Variants in RASGRP3 observed in about 807,000 individuals in gnomAD.
The protein encoded by RASGRP3 is ras guanyl-releasing protein 3.
In RASGRP3, 54 loss-of-function variants were observed where a neutral mutation model predicts 82.7. The observed-to-expected ratio is 0.65, with a 90% confidence interval of 0.52 to 0.82. RASGRP3 has a LOEUF of 0.82. RASGRP3 is among the 40% of genes least tolerant of loss of function. RASGRP3 has a pLI of 0.00. For missense variants in RASGRP3, 861 were observed against 828.9 expected, an observed-to-expected ratio of 1.04 and a Z score of -0.48; for synonymous variants, 309 against 300.5, an observed-to-expected ratio of 1.03 and a Z score of -0.29.
intron 1 of RASGRP3, among the ~76,000 whole-genome samples, chr2:33,507,613 C>T (rs535728866): frequency 1.7e-4 from 26 of 152,330 alleles, no homozygotes; most frequent in South Asian, 1.0e-3. Context: ...GCAACCTCCA[C>T]CTCCCAGGTT....
intron 3 of RASGRP3, 111 bp from the exon 4 acceptor site, chr2:33,516,431 T>C (rs909735872): frequency 4.5e-6 from 3 of 666,990 alleles, no homozygotes; most frequent in African/African-American, 3.7e-5. Context: ...TAAAAGATCA[T>C]TTGTCTATGA....
chr2:33,561,769 C>T (rs1258203023), intron 17 of RASGRP3, among the ~76,000 whole-genome samples: 4 of 152,100 alleles, frequency 2.6e-5, no homozygotes, highest in African/African-American at 9.7e-5. Flanking sequence ...TGTATTTCCT[C>T]CAACGGAGTT....
intron 10 of RASGRP3, among the ~76,000 whole-genome samples, chr2:33,528,223 C>T (rs1286611566): frequency 6.6e-6 from 1 of 152,208 alleles, no homozygotes; most frequent in African/African-American, 2.4e-5. Flanking sequence ...ATATCATATG[C>T]CTAGCACCTC....
At chr2:33,457,289 A>T in intron 2 of RASGRP3, among the ~76,000 whole-genome samples, 1 of 152,196 alleles carries the variant, frequency 6.6e-6, no homozygotes, top group Admixed American at 6.5e-5. Context: ...AATTAGTCAT[A>T]TTTTTTTAAA....
intron 1 of RASGRP3, among the ~76,000 whole-genome samples, chr2:33,447,130 G>A (rs1665545098): frequency 1.3e-5 from 2 of 151,316 alleles, no homozygotes; most frequent in South Asian, 4.2e-4. Flanking sequence ...AAAAAGAGGG[G>A]GAAGCAGTGA....
At chr2:33,463,454 A>T (rs899219269) in intron 2 of RASGRP3, among the ~76,000 whole-genome samples, 15 of 152,206 alleles carry the variant, frequency 9.9e-5, no homozygotes, top group African/African-American at 3.6e-4. Context: ...TGAAAGGGGA[A>T]GATGATTGTT....
chr2:33,456,546 A>C (rs1404759849), intron 2 of RASGRP3, among the ~76,000 whole-genome samples: 1 of 152,222 alleles, frequency 6.6e-6, no homozygotes, highest in Non-Finnish European at 1.5e-5. Flanking sequence ...TAGGAACTTT[A>C]AATTCTGATC....
chr2:33,535,998 C>G (rs1673565402), intron 11 of RASGRP3, among the ~76,000 whole-genome samples: 1 of 152,096 alleles, frequency 6.6e-6, no homozygotes. Context: ...ATCTTATTAA[C>G]TCCGTTAAGA....
intron 12 of RASGRP3, 53 bp from the exon 13 acceptor site, chr2:33,543,459 A>G: frequency 8.7e-7 from 1 of 1,155,726 alleles, no homozygotes; most frequent in Non-Finnish European, 1.2e-6. Context: ...TGCAATAACA[A>G]GTTCAGAGCC....
intron 7 of RASGRP3, 142 bp downstream of exon 7, chr2:33,522,244 T>G: frequency 2.2e-6 from 2 of 898,918 alleles, no homozygotes; most frequent in Non-Finnish European, 3.4e-6. Context: ...ACAGGAACAA[T>G]CCCTTTTAAC....
In RASGRP3 at chr2:33,564,241, A is replaced by G. The variant is rs1677006107; in HGVS notation, c.*1504A>G. 1 of 152,214 alleles carries G rather than the reference A, an allele frequency of 6.6e-6. No individual in the cohort carries two copies. The highest frequency in any genetic ancestry group is 6.5e-5 in the Admixed American group (1 of 15,278). 9.4% of individuals were successfully genotyped at this position (152,214 alleles called of 1,614,324 possible). ...CAGCCCATGGGCATTAAGGCAAAGT[A>G]GTTCCAGTGATTTAAAATACGGTTC... On this transcript the variant is annotated 3_prime_UTR_variant, in exon 18 of 18. Transcript: ENST00000403687.
chr2:33,528,848 A>G (rs1480131478), intron 10 of RASGRP3, among the ~76,000 whole-genome samples: 6 of 152,330 alleles, frequency 3.9e-5, no homozygotes, highest in Non-Finnish European at 8.8e-5. Context: ...TACTGGGGGC[A>G]GGGAACGCAA....
chr2:33,463,725 A>G (rs377657515), intron 2 of RASGRP3, among the ~76,000 whole-genome samples: 1 of 151,336 alleles, frequency 6.6e-6, no homozygotes, highest in Non-Finnish European at 1.5e-5. Flanking sequence ...CAGCCTCCCA[A>G]GTAAGCTGGG....
intron 17 of RASGRP3, among the ~76,000 whole-genome samples, chr2:33,560,506 C>T (rs1177719091): frequency 6.6e-6 from 1 of 152,166 alleles, no homozygotes. Flanking sequence ...TATACATGGA[C>T]ATATGGTCAC....
At chr2:33,544,093 C>T (rs565205249) in intron 13 of RASGRP3, among the ~76,000 whole-genome samples, 1 of 152,206 alleles carries the variant, frequency 6.6e-6, no homozygotes, top group South Asian at 2.1e-4. Flanking sequence ...GCAGGCAGAT[C>T]ACTTGAGGCC....
At chr2:33,473,529 G>A (rs1161182934), upstream of RASGRP3, among the ~76,000 whole-genome samples, 1 of 152,238 alleles carries the variant, frequency 6.6e-6, no homozygotes, top group African/African-American at 2.4e-5. Flanking sequence ...GAGACACAGG[G>A]TGAGACACAA....
At chr2:33,525,561 C>A (rs1672462215) in intron 9 of RASGRP3, among the ~76,000 whole-genome samples, 1 of 151,802 alleles carries the variant, frequency 6.6e-6, no homozygotes. Flanking sequence ...AGCAATTAAA[C>A]AATAAGCAAA....
rs1255350385 is a variant in RASGRP3, at chr2:33,481,618, C to G, written c.-261+4911C>G. On this transcript the variant is annotated intron_variant, in intron 1 of 17. Transcript: ENST00000403687. Reference sequence around the variant, plus strand: ...TGGATAACCGATTTGCGACATGCCACTCATGATATTTCCAAAGCCTATGGA... The same window carrying G: ...TGGATAACCGATTTGCGACATGCCAGTCATGATATTTCCAAAGCCTATGGA... 2.0e-5 allele frequency: 3 copies of G among 152,228 alleles called. No homozygotes were observed. In the South Asian group the frequency reaches 6.2e-4, roughly 32 times the overall value. 9.4% of individuals were successfully genotyped at this position (152,228 alleles called of 1,614,324 possible).
Position 33,563,862 on chromosome 2 carries a change from A to ATAAC in RASGRP3, c.*1128_*1131dup, listed in dbSNP as rs1474329120. 3.9e-5 allele frequency: 6 copies of ATAAC among 152,320 alleles called. No individual in the cohort carries two copies. The South Asian group carries it at 1.2e-3, about 32-fold the overall frequency. The allele number at this position is 152,320 out of a possible 1,614,324, so 9.4% of individuals were successfully genotyped here. A position where few individuals can be genotyped will look rare whatever the true frequency, so the allele number is the denominator to read the frequency against. ...TTTAAATAGCTCCCATTTACCCAAA[A>ATAAC]TAACTAGTTATGGGTCTATTTCTTC... On this transcript the variant is annotated 3_prime_UTR_variant, in exon 18 of 18. Transcript: ENST00000403687.
Sources: gnomAD v4.1 joint callset for allele counts (sites outside exome capture counted in the v4.1 genomes callset) on GRCh38, gnomAD v4.1.1 for gene constraint, MANE v1.5 for transcripts, NCBI Gene and HGNC (gene_info 2026-07-23, HGNC 2026-07-21) for gene names.